The following ROBO2 variants were observed in gnomAD, a reference collection of about 807,000 sequenced individuals.
ROBO2 encodes roundabout guidance receptor 2, also known as roundabout homolog 2.
A neutral mutation model predicts 160.8 loss-of-function variants in ROBO2; 53 were observed. The observed-to-expected ratio is 0.33, with a 90% CI of 0.26 to 0.41. ROBO2 has a LOEUF of 0.41. ROBO2 is among the 10% of genes least tolerant of loss of function. The pLI, the probability that ROBO2 is intolerant of heterozygous loss-of-function variation, is 1.00. For missense variants in ROBO2, 1,577 were observed against 1,722.4 expected, an observed-to-expected ratio of 0.92 and a Z score of 1.49; for synonymous variants, 664 against 611.7, an observed-to-expected ratio of 1.09 and a Z score of -1.26.
At chr3:76,810,622 C>T (rs907548607) in intron 2 of ROBO2, among the ~76,000 whole-genome samples, 4 of 152,056 alleles carry the variant, frequency 2.6e-5, no homozygotes, top group African/African-American at 9.7e-5. Flanking sequence ...GAAGAAGAAA[C>T]AGCTACTACA....
intron 2 of ROBO2, among the ~76,000 whole-genome samples, chr3:76,698,925 G>A (rs1277080277): frequency 6.6e-6 from 1 of 152,092 alleles, no homozygotes; most frequent in Non-Finnish European, 1.5e-5. Flanking sequence ...GATGCCCAGT[G>A]CTTATCCATT....
intron 2 of ROBO2, among the ~76,000 whole-genome samples, chr3:76,448,144 T>C (rs1250016333): frequency 6.6e-6 from 1 of 151,948 alleles, no homozygotes; most frequent in African/African-American, 2.4e-5. Flanking sequence ...ATAAAAATAA[T>C]TTTCCAAGCT....
Position 76,286,445 on chromosome 3 carries a change from A to G in ROBO2, c.109+348843A>G, listed in dbSNP as rs553654927. 1.8e-4 allele frequency among the ~76,000 whole-genome samples: 28 copies of G among 152,320 alleles called. 2 individuals carry two copies. In the South Asian group the frequency reaches 5.4e-3, roughly 29 times the overall value. On this transcript the variant is annotated intron_variant, in intron 2 of 26. Coordinates refer to the ROBO2 transcript ENST00000487694. ...GAGATGCTTTTCCTATCAATTGTGT[A>G]GAAGATGCATAATCATTGAAGAATG... is the stretch of plus-strand genomic sequence containing the variant.
intron 1 of ROBO2, among the ~76,000 whole-genome samples, chr3:77,048,682 C>T (rs2064929807): frequency 6.6e-6 from 1 of 152,160 alleles, no homozygotes; most frequent in South Asian, 2.1e-4. Context: ...TAGATAGCCC[C>T]CTTAGCTTCC....
chr3:77,342,374 T>C (rs1319381251), intron 2 of ROBO2, among the ~76,000 whole-genome samples: 1 of 152,150 alleles, frequency 6.6e-6, no homozygotes, highest in African/African-American at 2.4e-5. Context: ...GAAAGTGCAG[T>C]GTGGGGTCAC....
intron 2 of ROBO2, among the ~76,000 whole-genome samples, chr3:76,640,029 T>C (rs926901166): frequency 1.3e-5 from 2 of 152,144 alleles, no homozygotes; most frequent in African/African-American, 4.8e-5. Flanking sequence ...TGCAGCTACT[T>C]TAGGTTTAGC....
At chr3:75,961,200 T>TA (rs1235682521) in intron 2 of ROBO2, among the ~76,000 whole-genome samples, 1 of 151,686 alleles carries the variant, frequency 6.6e-6, no homozygotes, top group East Asian at 2.0e-4. Context: ...CACTTTTTTT[T>TA]ATTGATCTCA....
At chr3:76,759,754 T>A (rs1445495857) in intron 2 of ROBO2, among the ~76,000 whole-genome samples, 1 of 151,822 alleles carries the variant, frequency 6.6e-6, no homozygotes, top group African/African-American at 2.4e-5. Flanking sequence ...GGGTTCTAGT[T>A]GATCTTTGTG....
chr3:76,539,535 A>G (rs545786003), intron 2 of ROBO2, among the ~76,000 whole-genome samples: 8 of 152,278 alleles, frequency 5.3e-5, no homozygotes, highest in African/African-American at 1.9e-4. Context: ...TAAGTAGCAA[A>G]GTATACAGTT....
intron 2 of ROBO2, among the ~76,000 whole-genome samples, chr3:77,437,313 A>G (rs984934695): frequency 6.6e-6 from 1 of 152,032 alleles, no homozygotes; most frequent in Non-Finnish European, 1.5e-5. Context: ...ACTATTTTAA[A>G]TAAGCTCAAA....
At chr3:76,906,215 T>A (rs1216219052) in intron 2 of ROBO2, among the ~76,000 whole-genome samples, 1 of 152,014 alleles carries the variant, frequency 6.6e-6, no homozygotes, top group Non-Finnish European at 1.5e-5. Context: ...ATAAACTTTT[T>A]CTTTTAATAA....
intron 14 of ROBO2, among the ~76,000 whole-genome samples, chr3:77,576,724 A>G (rs891938343): frequency 6.6e-6 from 1 of 152,120 alleles, no homozygotes; most frequent in Non-Finnish European, 1.5e-5. Flanking sequence ...CCCATTTCAC[A>G]TTTGACCCAA....
intron 2 of ROBO2, among the ~76,000 whole-genome samples, chr3:76,392,102 TTAA>T (rs1380905829): frequency 2.6e-5 from 4 of 152,340 alleles, no homozygotes; most frequent in African/African-American, 7.2e-5. Flanking sequence ...GTGAATTTAC[TTAA>T]TAAGATTTTC....
intron 2 of ROBO2, among the ~76,000 whole-genome samples, chr3:76,178,685 C>T (rs1223363594): frequency 6.6e-6 from 1 of 152,198 alleles, no homozygotes; most frequent in African/African-American, 2.4e-5. Context: ...TGGCTCACGC[C>T]TGTAATCCCA....
chr3:77,384,110 A>C (rs2073851497), intron 2 of ROBO2, among the ~76,000 whole-genome samples: 2 of 152,176 alleles, frequency 1.3e-5, no homozygotes. Flanking sequence ...GAGTTTTTTC[A>C]TATATACTCT....
chr3:76,821,789 C>T (rs1001706340), intron 2 of ROBO2, among the ~76,000 whole-genome samples: 2 of 151,938 alleles, frequency 1.3e-5, no homozygotes, highest in African/African-American at 4.8e-5. Context: ...GCTGTGTGTG[C>T]CATCAACAGA....
Position 77,619,091 on chromosome 3 carries a change from C to G in ROBO2, c.3554+1318C>G, listed in dbSNP as rs570807541. Among the ~76,000 whole-genome samples, 23 of 152,272 alleles carry G rather than the reference C, an allele frequency of 1.5e-4. No individual in the cohort carries two copies. In the South Asian group the frequency reaches 4.6e-3, roughly 30 times the overall value. Reference sequence around the variant, plus strand: ...AGAGAAAGATTCTGACTGCCATGATCTGGAATTTGATCCAGATCATGGGAC... The same window carrying G: ...AGAGAAAGATTCTGACTGCCATGATGTGGAATTTGATCCAGATCATGGGAC... On this transcript the variant is annotated intron_variant, in intron 22 of 25. Transcript: ENST00000461745.
intron 2 of ROBO2, among the ~76,000 whole-genome samples, chr3:76,935,770 C>T (rs1487917940): frequency 6.6e-6 from 1 of 152,126 alleles, no homozygotes; most frequent in Non-Finnish European, 1.5e-5. Flanking sequence ...GATCCCACTT[C>T]AGGGATCATA....
chr3:77,546,597 T>A (rs1559586582), intron 7 of ROBO2, 135 bp downstream of exon 8: 12 of 1,116,868 alleles, frequency 1.1e-5, no homozygotes, highest in Non-Finnish European at 1.6e-5. Flanking sequence ...CTGGTGAATG[T>A]AAAAATAAGT....
Sources: gnomAD v4.1 joint callset for allele counts (sites outside exome capture counted in the v4.1 genomes callset) on GRCh38, gnomAD v4.1.1 for gene constraint, MANE v1.5 for transcripts, NCBI Gene and HGNC (gene_info 2026-07-23, HGNC 2026-07-21) for gene names.